The following HSD17B4 variants were observed in gnomAD, a reference collection of about 807,000 sequenced individuals.
HSD17B4 encodes peroxisomal multifunctional enzyme type 2.
A neutral mutation model predicts 101.0 loss-of-function variants in HSD17B4; 70 were observed. The observed-to-expected ratio is 0.69, with a 90% confidence interval of 0.57 to 0.85. The LOEUF (loss-of-function observed/expected upper bound fraction) is 0.85, where lower values mean the gene tolerates loss of function less well. Ranked by LOEUF, HSD17B4 falls within the 40% of genes least tolerant of loss-of-function variation. The pLI is 0.00. For synonymous variants in HSD17B4, 347 were observed against 297.1 expected (o/e 1.17, Z -1.73); for missense variants, 984 against 892.4 (o/e 1.10, Z -1.31).
chr5:119,490,667 C>G (rs574715093), intron 9 of HSD17B4, among the ~76,000 whole-genome samples: 137 of 152,268 alleles, frequency 9.0e-4, no homozygotes, highest in Middle Eastern at 3.4e-3. Flanking sequence ...CTCCCGGACT[C>G]AAGTGATTCT....
chr5:119,497,860 A>C (rs1041108690), intron 12 of HSD17B4, among the ~76,000 whole-genome samples: 2 of 152,176 alleles, frequency 1.3e-5, no homozygotes, highest in Non-Finnish European at 2.9e-5. Flanking sequence ...CTGTATGACA[A>C]GTATCATTTT....
At position 119,460,299 on chromosome 5, in the gene HSD17B4, T is replaced by TA. The variant is rs768331013; in HGVS notation, c.112+3932dup. The stretch of plus-strand genomic sequence containing the variant: ...GATACACTCTCCGCAACGGTAAGTA[T>TA]AGTACTTAGTAATCAAGAATATATA... On this transcript the variant is annotated intron_variant, in intron 2 of 23. Coordinates refer to ENST00000510025, the MANE Select transcript of HSD17B4 (RefSeq NM_000414.4). Among the ~76,000 whole-genome samples the TA allele has an allele frequency of 2.8e-4, 42 of 152,360 alleles. No individual in the cohort carries two copies. The Middle Eastern group carries it at 0.01, about 37-fold the overall frequency.
chr5:119,453,785 G>T (rs189640613), intron 1 of HSD17B4, among the ~76,000 whole-genome samples: 1 of 152,292 alleles, frequency 6.6e-6, no homozygotes, highest in African/African-American at 2.4e-5. Flanking sequence ...ATGTATTTGG[G>T]TGTAGTCATA....
Position 119,531,257 on chromosome 5 carries a change from C to T in HSD17B4, c.1855-9C>T, listed in dbSNP as rs755078463. 3.7e-6 allele frequency: 6 copies of T among 1,612,762 alleles called. No homozygotes were observed. Among genetic ancestry groups the T allele is most frequent in the African/African-American group, 2.7e-5 (2 of 74,904 alleles). ...GAACTTTTAAAGTTTATTTTGTTGT[C>T]GTTGTTAGGGCGGGAAGCTTCAGAG... On this transcript the variant is annotated splice_polypyrimidine_tract_variant and intron_variant, in intron 21 of 23. Transcript: ENST00000510025.
intron 9 of HSD17B4, among the ~76,000 whole-genome samples, chr5:119,489,836 T>A (rs993187511): frequency 1.3e-5 from 2 of 152,160 alleles, no homozygotes; most frequent in African/African-American, 4.8e-5. Context: ...CTTTTCTGTT[T>A]TTTTTATTGC....
intron 8 of HSD17B4, among the ~76,000 whole-genome samples, chr5:119,481,996 T>C (rs952311563): frequency 3.9e-5 from 6 of 152,070 alleles, no homozygotes; most frequent in African/African-American, 1.4e-4. Flanking sequence ...TAGGTGGAGA[T>C]TTTTGATATT....
At chr5:119,531,237 T>G in intron 21 of HSD17B4, 29 bp from the exon 22 acceptor site, 1 of 1,611,780 alleles carries the variant, frequency 6.2e-7, no homozygotes, top group Non-Finnish European at 8.5e-7. Flanking sequence ...TTACAGAACT[T>G]TTAAAGTTTA....
intron 1 of HSD17B4, among the ~76,000 whole-genome samples, chr5:119,454,401 G>A (rs931238818): frequency 1.1e-4 from 16 of 151,584 alleles, no homozygotes; most frequent in Non-Finnish European, 2.1e-4. Flanking sequence ...GAACTCCTGG[G>A]CTCAAGTGAT....
rs1349835756 is a variant in HSD17B4, at chr5:119,456,553, G to A, written c.112+185G>A. ...CTAAATTACTTTTAAAAGGGAACCA[G>A]TTTCACAGAATTCCCAGCTTAACAG... On this transcript the variant is annotated intron_variant, in intron 2 of 23. Coordinates refer to ENST00000510025, the MANE Select transcript of HSD17B4 (RefSeq NM_000414.4). 5 of 596,310 alleles carry A rather than the reference G, an allele frequency of 8.4e-6. No homozygotes were observed. The Admixed American group carries it at 1.5e-4, about 18-fold the overall frequency. 36.9% of individuals were successfully genotyped at this position (596,310 alleles called of 1,614,324 possible).
intron 1 of HSD17B4, 72 bp from the exon 2 acceptor site, chr5:119,456,243 G>C: frequency 2.2e-6 from 2 of 896,682 alleles, no homozygotes; most frequent in Non-Finnish European, 3.8e-6. Context: ...TTTAAATGGG[G>C]ATTGAGTTGA....
chr5:119,536,657 AC>A (rs1419278464), intron 23 of HSD17B4, 107 bp downstream of exon 23: 8 of 1,028,292 alleles, frequency 7.8e-6, no homozygotes, highest in African/African-American at 1.6e-5. Context: ...CAGGTTTCTT[AC>A]AACTCTGAAG....
chr5:119,498,925 C>T (rs747883973), intron 12 of HSD17B4, among the ~76,000 whole-genome samples: 1 of 152,076 alleles, frequency 6.6e-6, no homozygotes, highest in Non-Finnish European at 1.5e-5. Flanking sequence ...AATTTACATC[C>T]ATTAAGCAGT....
At chr5:119,482,913 T>C (rs1749273520) in intron 8 of HSD17B4, among the ~76,000 whole-genome samples, 1 of 152,020 alleles carries the variant, frequency 6.6e-6, no homozygotes, top group Admixed American at 6.6e-5. Context: ...TTTTTTCTTT[T>C]TTTCTTTTCC....
In HSD17B4 at chr5:119,511,909, A is replaced by G. The variant is rs184424542; in HGVS notation, c.1437+2665A>G. On this transcript the variant is annotated intron_variant, in intron 16 of 23. Coordinates refer to ENST00000510025, the MANE Select transcript of HSD17B4 (RefSeq NM_000414.4). ...TAGACGGAAGAAACAAACAGGCAAC[A>G]GAAACTGCCTTTGAGAGAACTTAGT... 4.1e-3 allele frequency among the ~76,000 whole-genome samples: 620 copies of G among 152,364 alleles called. 3 individuals carry two copies. Among genetic ancestry groups the G allele is most frequent in the Non-Finnish European group, 6.1e-3 (418 of 68,034 alleles).
intron 12 of HSD17B4, among the ~76,000 whole-genome samples, chr5:119,498,930 A>G (rs1580622194): frequency 6.6e-6 from 1 of 152,282 alleles, no homozygotes; most frequent in African/African-American, 2.4e-5. Flanking sequence ...ACATCCATTA[A>G]GCAGTGTTTT....
rs1396519513 is a variant in HSD17B4, at chr5:119,489,293, C to G, written c.714+10C>G. ...TGGTGGCTTGTTTGAGGTATTTGCA[C>G]CTTCCTGTTTTCTCTTATTAGTTTT... On this transcript the variant is annotated intron_variant, in intron 9 of 23. Transcript: ENST00000510025. 6 of 1,581,926 alleles carry G rather than the reference C, an allele frequency of 3.8e-6. No homozygotes were observed. In the African/African-American group the frequency reaches 6.7e-5, roughly 18 times the overall value.
At chr5:119,467,565 T>C (rs1305385174) in intron 2 of HSD17B4, among the ~76,000 whole-genome samples, 1 of 152,254 alleles carries the variant, frequency 6.6e-6, no homozygotes, top group Non-Finnish European at 1.5e-5. Context: ...CTCTTTGCAC[T>C]GTTTTTGACT....
chr5:119,475,794 C>G, intron 5 of HSD17B4, 30 bp from the exon 6 acceptor site: 1 of 1,586,198 alleles, frequency 6.3e-7, no homozygotes, highest in South Asian at 1.1e-5. Context: ...TACTTTCCTC[C>G]TTTTACCCTA....
chr5:119,513,513 AGCT>A lies in HSD17B4; in HGVS notation c.1438-1466_1438-1464del, dbSNP rs1398645113. Among the ~76,000 whole-genome samples, 6 of 152,060 alleles carry A rather than the reference AGCT, an allele frequency of 3.9e-5. No homozygotes were observed. The South Asian group carries it at 1.0e-3, about 26-fold the overall frequency. ...ATCCTCCTGCCTCAGCCTCCCAAGT[AGCT>A]GGGATTACAGGTGCCCGCCACCACA... is the stretch of plus-strand genomic sequence containing the variant. On this transcript the variant is annotated intron_variant, in intron 16 of 23. Transcript: ENST00000510025.
Sources: allele counts gnomAD v4.1 joint callset (sites outside exome capture counted in the v4.1 genomes callset), GRCh38; gene constraint gnomAD v4.1.1; transcripts MANE v1.5; gene names NCBI Gene and HGNC (gene_info 2026-07-23, HGNC 2026-07-21).